Variants in COL22A1 observed in about 807,000 individuals in gnomAD.
COL22A1 encodes the protein collagen alpha-1(XXII) chain.
A neutral mutation model predicts 248.9 loss-of-function variants in COL22A1; 221 were observed. That is an observed-to-expected ratio of 0.89 (90% CI 0.80 to 0.99). The LOEUF (loss-of-function observed/expected upper bound fraction) is 0.99. Ranked by LOEUF, COL22A1 falls within the 50% of genes least tolerant of loss-of-function variation. The pLI is 0.00. For synonymous variants in COL22A1, 891 were observed against 793.4 expected, an observed-to-expected ratio of 1.12 and a Z score of -2.07; for missense variants, 2,240 against 2,179.0, an observed-to-expected ratio of 1.03 and a Z score of -0.56.
intron 16 of COL22A1, among the ~76,000 whole-genome samples, chr8:138,774,062 G>C (rs1834618664): frequency 6.6e-6 from 1 of 152,198 alleles, no homozygotes; most frequent in South Asian, 2.1e-4. Flanking sequence ...CCATGTGAGG[G>C]AAGGAGCAGA....
intron 11 of COL22A1, among the ~76,000 whole-genome samples, chr8:138,798,020 T>G (rs1209440548): frequency 1.3e-5 from 2 of 151,904 alleles, no homozygotes; most frequent in East Asian, 3.8e-4. Context: ...CCTTTTATTT[T>G]CAACCTATTG....
intron 10 of COL22A1, among the ~76,000 whole-genome samples, chr8:138,805,377 T>C (rs1187278671): frequency 1.6e-5 from 2 of 122,870 alleles, no homozygotes; most frequent in South Asian, 5.4e-4. Context: ...GGGTGTGTGA[T>C]GGTGTGGGCA....
At chr8:138,691,962 G>GGA (rs1564200655) in intron 35 of COL22A1, among the ~76,000 whole-genome samples, 6 of 149,330 alleles carry the variant, frequency 4.0e-5, no homozygotes, top group African/African-American at 1.5e-4. Context: ...GTTTGTGGAG[G>GGA]TGCATGTGTG....
At chr8:138,591,000 T>G (rs914293786) in intron 64 of COL22A1, among the ~76,000 whole-genome samples, 1 of 152,238 alleles carries the variant, frequency 6.6e-6, no homozygotes, top group African/African-American at 2.4e-5. Context: ...AAAGGACTTC[T>G]CTTTCAAGTG....
intron 3 of COL22A1, among the ~76,000 whole-genome samples, chr8:138,870,327 G>A (rs1300655357): frequency 2.0e-5 from 3 of 151,804 alleles, no homozygotes. Context: ...TATATAGAAT[G>A]TGTGTTATAT....
Position 138,880,083 on chromosome 8 carries a change from G to C in COL22A1, c.92-1767C>G, listed in dbSNP as rs1357164227. On this transcript the variant is annotated intron_variant, in intron 2 of 64. Transcript: ENST00000303045. ...AGAAAACAATCAGATAAATGGAAAA[G>C]AAAAAGATGTATAAAGAAATTCACA... is the stretch of plus-strand genomic sequence containing the variant. Among the ~76,000 whole-genome samples, 3 of 152,084 alleles carry C rather than the reference G, an allele frequency of 2.0e-5. No homozygotes were observed. In the South Asian group the frequency reaches 6.2e-4, roughly 32 times the overall value.
intron 27 of COL22A1, among the ~76,000 whole-genome samples, chr8:138,720,429 G>T (rs1335066907): frequency 6.6e-6 from 1 of 152,024 alleles, no homozygotes; most frequent in Non-Finnish European, 1.5e-5. Context: ...TCTCAAGGGG[G>T]TGGGGGCTCT....
chr8:138,847,574 G>T lies in COL22A1; in HGVS notation c.659-3416C>A, dbSNP rs189466097. On this transcript the variant is annotated intron_variant, in intron 3 of 64. Transcript: ENST00000303045. Reference sequence around the variant, plus strand: ...GCTAGGGATGGATGTGTGATTCAGGGCTGTCCAAGGAAACAAATAACCAAA... The same window carrying T: ...GCTAGGGATGGATGTGTGATTCAGGTCTGTCCAAGGAAACAAATAACCAAA... 3.6e-3 allele frequency among the ~76,000 whole-genome samples: 555 copies of T among 152,248 alleles called. 2 individuals are homozygous for T. The highest frequency in any genetic ancestry group is 6.2e-3 in the Admixed American group (95 of 15,290).
intron 50 of COL22A1, among the ~76,000 whole-genome samples, chr8:138,626,472 C>A (rs1820247772): frequency 6.6e-6 from 1 of 152,196 alleles, no homozygotes; most frequent in Admixed American, 6.5e-5. Flanking sequence ...GGAGCTCATT[C>A]TGGCCATATT....
intron 12 of COL22A1, among the ~76,000 whole-genome samples, chr8:138,784,240 T>G (rs1460009678): frequency 6.6e-6 from 1 of 152,224 alleles, no homozygotes; most frequent in Non-Finnish European, 1.5e-5. Context: ...TGTCCATCCT[T>G]GGCTGGATAC....
intron 3 of COL22A1, among the ~76,000 whole-genome samples, chr8:138,877,179 G>A: frequency 6.6e-6 from 1 of 151,958 alleles, no homozygotes; most frequent in Middle Eastern, 3.2e-3. Flanking sequence ...TTATCTCAGA[G>A]GGCACCAGGT....
chr8:138,593,979 G>C (rs776810948), intron 63 of COL22A1, 38 bp downstream of exon 63: 1 of 1,457,460 alleles, frequency 6.9e-7, no homozygotes, highest in East Asian at 2.6e-5. Flanking sequence ...CGCCCTCCAG[G>C]AGTACACGGA....
intron 30 of COL22A1, among the ~76,000 whole-genome samples, chr8:138,708,996 T>G (rs1194389972): frequency 6.6e-6 from 1 of 152,206 alleles, no homozygotes; most frequent in Non-Finnish European, 1.5e-5. Flanking sequence ...CAGACACTTC[T>G]CAAAAGAAGA....
intron 49 of COL22A1, among the ~76,000 whole-genome samples, chr8:138,633,607 C>T (rs576933264): frequency 1.3e-5 from 2 of 152,286 alleles, no homozygotes; most frequent in Non-Finnish European, 1.5e-5. Context: ...TACAATTATT[C>T]GTGAATAAAC....
intron 39 of COL22A1, among the ~76,000 whole-genome samples, chr8:138,680,928 C>T (rs1333204109): frequency 6.6e-6 from 1 of 152,200 alleles, no homozygotes; most frequent in African/African-American, 2.4e-5. Flanking sequence ...TGCTCTGAGA[C>T]TCACGGAGTT....
chr8:138,882,239 C>G (rs1399872745), intron 2 of COL22A1, among the ~76,000 whole-genome samples: 4 of 152,022 alleles, frequency 2.6e-5, no homozygotes, highest in Non-Finnish European at 1.5e-5. Flanking sequence ...CTGTCACGCT[C>G]TCTCCTCCTC....
intron 11 of COL22A1, among the ~76,000 whole-genome samples, chr8:138,801,981 T>C (rs1311673033): frequency 6.6e-6 from 1 of 152,186 alleles, no homozygotes; most frequent in Non-Finnish European, 1.5e-5. Context: ...AAACTTGTGC[T>C]GTTGATGCTA....
chr8:138,821,417 G>A lies in COL22A1; in HGVS notation c.970-6C>T. ...CCATCCAGCCGGATGGAGACCTGGGGAGGAAAGGACCAGAGACTCCTTGAG... is the reference window on the plus strand; with the variant it reads ...CCATCCAGCCGGATGGAGACCTGGGAAGGAAAGGACCAGAGACTCCTTGAG... On this transcript the variant is annotated splice_region_variant and splice_polypyrimidine_tract_variant and intron_variant, in intron 6 of 64. Transcript: ENST00000303045. 6.2e-7 allele frequency: 1 copy of A among 1,610,910 alleles called. No individual in the cohort carries two copies. Among genetic ancestry groups the A allele is most frequent in the Non-Finnish European group, 8.5e-7 (1 of 1,177,324 alleles).
At chr8:138,614,608 A>C (rs1050952564) in intron 55 of COL22A1, among the ~76,000 whole-genome samples, 1 of 152,118 alleles carries the variant, frequency 6.6e-6, no homozygotes, top group Non-Finnish European at 1.5e-5. Context: ...CCTCAGTCAC[A>C]TTCCTGCCTG....
Sources: allele counts gnomAD v4.1 joint callset (sites outside exome capture counted in the v4.1 genomes callset), GRCh38; gene constraint gnomAD v4.1.1; transcripts MANE v1.5; gene names NCBI Gene and HGNC (gene_info 2026-07-23, HGNC 2026-07-21).